The following SULF1 variants were observed in gnomAD, a reference collection of about 807,000 sequenced individuals.
The protein encoded by SULF1 is sulfatase 1.
SULF1 carries 46 observed loss-of-function variants against 110.5 expected under a neutral mutation model. The observed-to-expected ratio is 0.42, with a 90% confidence interval of 0.33 to 0.53. The LOEUF (loss-of-function observed/expected upper bound fraction) is 0.53, where lower values mean the gene tolerates loss of function less well. Among genes scored for constraint, SULF1 ranks in the 20% least tolerant of loss-of-function variants. SULF1 has a pLI of 0.12. For missense variants in SULF1, 941 were observed against 1,094.2 expected, an observed-to-expected ratio of 0.86 and a Z score of 1.98; for synonymous variants, 371 against 387.1, an observed-to-expected ratio of 0.96 and a Z score of 0.49.
At chr8:69,563,727 C>T (rs1815671992) in intron 4 of SULF1, 116 bp downstream of exon 4, 1 of 404,450 alleles carries the variant, frequency 2.5e-6, no homozygotes, top group East Asian at 4.0e-5. Context: ...AGTGAATTTG[C>T]AAAATAATCA....
chr8:69,526,441 T>TG (rs1812666885), intron 3 of SULF1, among the ~76,000 whole-genome samples: 1 of 151,996 alleles, frequency 6.6e-6, no homozygotes, highest in Non-Finnish European at 1.5e-5. Flanking sequence ...AATCTTCCAT[T>TG]TCAAAATATT....
chr8:69,611,214 C>T (rs1343946472), intron 13 of SULF1, among the ~76,000 whole-genome samples: 1 of 152,212 alleles, frequency 6.6e-6, no homozygotes, highest in African/African-American at 2.4e-5. Context: ...ATGTATCAAG[C>T]ATCTGGGACA....
At chr8:69,594,262 G>C (rs1008135929) in intron 8 of SULF1, among the ~76,000 whole-genome samples, 2 of 152,082 alleles carry the variant, frequency 1.3e-5, no homozygotes, top group African/African-American at 4.8e-5. Flanking sequence ...TGTTGTTCAG[G>C]CTGGTCTTGA....
At chr8:69,579,565 A>ACAC (rs199572164) in intron 6 of SULF1, among the ~76,000 whole-genome samples, 8 of 94,274 alleles carry the variant, frequency 8.5e-5, no homozygotes, top group Admixed American at 6.4e-4. Flanking sequence ...ACACACACAC[A>ACAC]AAAAAAAAAA....
At chr8:69,642,381 G>T in intron 22 of SULF1, 1 of 986,748 alleles carries the variant, frequency 1.0e-6, no homozygotes, top group Non-Finnish European at 1.2e-6. Context: ...TGGACTTTTG[G>T]GTATATGTTA....
chr8:69,578,966 A>G (rs1388234857), intron 6 of SULF1, among the ~76,000 whole-genome samples: 1 of 151,580 alleles, frequency 6.6e-6, no homozygotes, highest in East Asian at 2.0e-4. Flanking sequence ...GATCGAGACC[A>G]TCCTGGCTAT....
intron 3 of SULF1, among the ~76,000 whole-genome samples, chr8:69,520,200 ATTG>A (rs2150609875): frequency 6.6e-6 from 1 of 151,770 alleles, no homozygotes; most frequent in East Asian, 1.9e-4. Context: ...TTCACACAAT[ATTG>A]TTATTATCAA....
intron 1 of SULF1, among the ~76,000 whole-genome samples, chr8:69,480,163 T>C (rs1453524978): frequency 6.6e-6 from 1 of 152,200 alleles, no homozygotes; most frequent in Non-Finnish European, 1.5e-5. Flanking sequence ...AAGAACACAC[T>C]ATCCACTGTT....
chr8:69,648,834 T>C (rs571118407), intron 22 of SULF1, among the ~76,000 whole-genome samples: 2 of 152,376 alleles, frequency 1.3e-5, no homozygotes, highest in East Asian at 1.9e-4. Context: ...CTGTGGAATA[T>C]AGCATGATGT....
intron 13 of SULF1, among the ~76,000 whole-genome samples, chr8:69,615,650 A>G (rs558955015): frequency 1.3e-5 from 2 of 152,272 alleles, no homozygotes; most frequent in Admixed American, 1.3e-4. Context: ...ATGTATGTAT[A>G]TTTGATTTCG....
At chr8:69,543,616 T>G (rs892571203) in intron 3 of SULF1, among the ~76,000 whole-genome samples, 2 of 152,228 alleles carry the variant, frequency 1.3e-5, no homozygotes, top group African/African-American at 4.8e-5. Flanking sequence ...CTTTATCCAG[T>G]CTATCACTGA....
At chr8:69,620,172 C>T (rs1809492146) in intron 13 of SULF1, among the ~76,000 whole-genome samples, 1 of 152,124 alleles carries the variant, frequency 6.6e-6, no homozygotes, top group African/African-American at 2.4e-5. Flanking sequence ...TGACCCCTAG[C>T]CAAGCTCCTC....
intron 3 of SULF1, among the ~76,000 whole-genome samples, chr8:69,529,411 G>A (rs111338956): frequency 3.9e-5 from 6 of 152,086 alleles, no homozygotes; most frequent in African/African-American, 1.2e-4. Flanking sequence ...AAACTGAATC[G>A]CACCTTCAGT....
chr8:69,480,481 C>T (rs1051242788), intron 1 of SULF1, among the ~76,000 whole-genome samples: 1 of 152,144 alleles, frequency 6.6e-6, no homozygotes, highest in Non-Finnish European at 1.5e-5. Context: ...AGTAATGTCA[C>T]CTTACTGGGA....
Position 69,563,622 on chromosome 8 carries a change from T to A in SULF1, c.-61+11T>A, listed in dbSNP as rs1249396189. 1 of 206,384 alleles carries A rather than the reference T, an allele frequency of 4.8e-6. No homozygotes were observed. The allele number at this position is 206,384 out of a possible 1,614,324, so 12.8% of individuals were successfully genotyped here. A position where few individuals can be genotyped will look rare whatever the true frequency, so the allele number is the denominator to read the frequency against. ...GATACCTAATTCAAGGTATTAGCTC[T>A]CGTCAGAAAGCTTTTACATTTGAGC... On this transcript the variant is annotated intron_variant, in intron 4 of 22. Transcript: ENST00000402687.
chr8:69,641,376 A>G (rs1056477912), intron 22 of SULF1, among the ~76,000 whole-genome samples: 1 of 152,168 alleles, frequency 6.6e-6, no homozygotes, highest in African/African-American at 2.4e-5. Context: ...CAGCCGTAAG[A>G]TTCTGAAAGC....
At chr8:69,546,541 G>A (rs554519044) in intron 3 of SULF1, among the ~76,000 whole-genome samples, 22 of 152,218 alleles carry the variant, frequency 1.4e-4, no homozygotes, top group Middle Eastern at 3.4e-3. Flanking sequence ...AAAATTTTGC[G>A]TTTCATGTCA....
At chr8:69,568,312 A>C (rs1357297419) in intron 5 of SULF1, among the ~76,000 whole-genome samples, 3 of 152,224 alleles carry the variant, frequency 2.0e-5, no homozygotes, top group Non-Finnish European at 4.4e-5. Flanking sequence ...ATCTAGAAAG[A>C]TGAAGGCTGA....
intron 3 of SULF1, among the ~76,000 whole-genome samples, chr8:69,560,613 T>C (rs12114782): frequency 0.025 from 3,844 of 152,324 alleles, 151 homozygotes; most frequent in African/African-American, 0.086. Context: ...TTTCTCAAGA[T>C]AAATTGTTAG....
Sources: allele counts gnomAD v4.1 joint callset (sites outside exome capture counted in the v4.1 genomes callset), GRCh38; gene constraint gnomAD v4.1.1; transcripts MANE v1.5; gene names NCBI Gene and HGNC (gene_info 2026-07-23, HGNC 2026-07-21).